CNTNAP1: variants seen among roughly 807,000 people sequenced by gnomAD.
CNTNAP1 encodes the protein contactin associated protein 1, also known as contactin-associated protein 1.
Under a neutral mutation model 161.5 loss-of-function variants are expected in CNTNAP1, and 80 were observed. The observed-to-expected ratio is 0.50, with a 90% CI of 0.41 to 0.60. CNTNAP1 has a LOEUF of 0.60. Among genes scored for constraint, CNTNAP1 ranks in the 20% least tolerant of loss-of-function variants. The pLI is 0.00. For missense variants in CNTNAP1, 1,464 were observed against 1,854.8 expected (o/e 0.79, Z 3.87); for synonymous variants, 695 against 733.1 (o/e 0.95, Z 0.84).
intron 1 of CNTNAP1, chr17:42,683,187 G>A (rs1038681172): frequency 8.7e-6 from 5 of 575,368 alleles, no homozygotes; most frequent in Non-Finnish European, 1.5e-5. Context: ...TAGGGCTGGG[G>A]GATAAGTGTA....
In CNTNAP1 at chr17:42,682,608, A is replaced by C. The variant is rs774414100; in HGVS notation, c.-222A>C. On this transcript the variant is annotated 5_prime_UTR_variant, in exon 1 of 24. Transcript: ENST00000264638. ...AAAGAGGGTGGAAAGGAGAGGATAG[A>C]GAGAGAAGAGCGGAGGACCAGGAAC... The C allele has an allele frequency of 2.0e-5, 12 of 586,612 alleles. No homozygotes were observed. The highest frequency in any genetic ancestry group is 3.3e-5 in the Non-Finnish European group (11 of 329,388). 36.3% of individuals were successfully genotyped at this position (586,612 alleles called of 1,614,324 possible). A position where few individuals can be genotyped will look rare whatever the true frequency, so the allele number is the denominator to read the frequency against.
chr17:42,695,858 G>A lies in CNTNAP1; in HGVS notation c.3330G>A (p.Val1110=). ...CCTTTGTTCGTGACTACATGGCTGTGCTCATCAAGGATGATGGTAAGCTCT... is the reference window on the plus strand; with the variant it reads ...CCTTTGTTCGTGACTACATGGCTGTACTCATCAAGGATGATGGTAAGCTCT... ...VSSFVRDYMA[V]LIKDDGTLQL... The change falls in exon 19 of 24, where the codon GTG becomes GTA. Residue 1110 remains valine (V), a synonymous_variant. Transcript: ENST00000264638. 6.2e-7 allele frequency: 1 copy of A among 1,613,204 alleles called. No individual in the cohort carries two copies. The highest frequency in any genetic ancestry group is 8.5e-7 in the Non-Finnish European group (1 of 1,179,302).
In CNTNAP1 at chr17:42,688,908, C is replaced by T. The variant is rs970939396; in HGVS notation, c.1489C>T (p.His497Tyr). The change falls in exon 10 of 24, where the codon CAC (histidine) becomes TAC (tyrosine). Residue 497 changes from histidine to tyrosine, a missense_variant. Physicochemically the swap from His to Tyr is moderately conservative, Grantham distance 83. Around this residue, in one of 3 missense-constraint regions of CNTNAP1, gnomAD observed 1,383 missense variants for 1,765.0 expected, o/e 0.78. Coordinates refer to ENST00000264638, the MANE Select transcript of CNTNAP1 (RefSeq NM_003632.3). ...CAAGCCAGCCAGTCGATGGGACTGC[C>T]ACTCCAACCAGACGGCATTCCATGG... is the stretch of plus-strand genomic sequence containing the variant. The part of the protein sequence containing the change: ...CPKPASRWDC[H>Y]SNQTAFHGCM... The T allele has an allele frequency of 2.5e-6, 4 of 1,614,124 alleles. No homozygotes were observed. Among genetic ancestry groups the T allele is most frequent in the East Asian group, 4.5e-5 (2 of 44,878 alleles).
At chr17:42,693,249 G>A (rs190642465) in intron 17 of CNTNAP1, 48 bp from the exon 18 acceptor site, 47 of 1,606,348 alleles carry the variant, frequency 2.9e-5, no homozygotes, top group African/African-American at 6.7e-5. Flanking sequence ...GTGAGCCACC[G>A]CGCCTGGCCC....
At chr17:42,697,000 C>G (rs758103883) in intron 20 of CNTNAP1, among the ~76,000 whole-genome samples, 1 of 151,730 alleles carries the variant, frequency 6.6e-6, no homozygotes, top group Non-Finnish European at 1.5e-5. Context: ...ATAGCAAGAC[C>G]TCATCTTCAC....
chr17:42,690,580 T>C (rs2053072186), intron 12 of CNTNAP1, among the ~76,000 whole-genome samples, 159 bp from the exon 13 acceptor site: 2 of 151,744 alleles, frequency 1.3e-5, no homozygotes, highest in Non-Finnish European at 1.5e-5. Flanking sequence ...AGCTATCTTA[T>C]TTCCAGCCTA....
chr17:42,687,043 C>G lies in CNTNAP1; in HGVS notation c.1041C>G (p.Phe347Leu). The G allele has an allele frequency of 6.2e-7, 1 of 1,611,936 alleles. No individual in the cohort carries two copies. Among genetic ancestry groups the G allele is most frequent in the Non-Finnish European group, 8.5e-7 (1 of 1,178,278 alleles). Residue 347 changes from phenylalanine (F) to leucine (L), a missense_variant, in exon 7 of 24, where the codon TTC (phenylalanine) becomes TTG (leucine). By Grantham distance (22) the Phe-to-Leu change is conservative. Transcript: ENST00000264638. The surrounding 1 kb of genome is among the most constrained non-coding windows in gnomAD (Gnocchi z 4.7). ...LAVRRHSRIT[F>L]EGKVAFRCLD... ...TGCGGCGCCATTCCCGGATCACCTT[C>G]GAGGCCAGTGGGCAGGGGGGTCTGG...
Position 42,687,962 on chromosome 17 carries a change from G to A in CNTNAP1, c.1287G>A (p.Lys429=). The part of the protein sequence containing the change: ...VNVSIAQSGR[K]KLQFAAGYRL... ...TGTCCATCGCGCAGAGCGGCCGAAA[G>A]AAGCTTCAGTTCGCTGCTGGTGAGG... The change falls in exon 8 of 24, where the codon AAG becomes AAA. Residue 429 remains lysine (K), a synonymous_variant. Transcript: ENST00000264638. The surrounding 1 kb of genome is among the most constrained non-coding windows in gnomAD (Gnocchi z 4.7). The A allele has an allele frequency of 6.2e-7, 1 of 1,613,428 alleles. No individual in the cohort carries two copies. The highest frequency in any genetic ancestry group is 1.1e-5 in the South Asian group (1 of 91,060).
Position 42,698,068 on chromosome 17 carries a change from C to T in CNTNAP1, c.3862+118C>T, listed in dbSNP as rs1415851365. 8 of 1,135,898 alleles carry T rather than the reference C, an allele frequency of 7.0e-6. No individual in the cohort carries two copies. In the Admixed American group the frequency reaches 1.2e-4, roughly 17 times the overall value. The allele number at this position is 1,135,898 out of a possible 1,614,324, so 70.4% of individuals were successfully genotyped here. ...GGCAAAGGCACTAGATGCACAATGG[C>T]ACAAAGGATGATGAGACAGGCTATG... On this transcript the variant is annotated intron_variant, in intron 23 of 23. Coordinates refer to ENST00000264638, the MANE Select transcript of CNTNAP1 (RefSeq NM_003632.3).
Position 42,687,372 on chromosome 17 carries a change from G to A in CNTNAP1, c.1044+326G>A, listed in dbSNP as rs2143654507. On this transcript the variant is annotated intron_variant, in intron 7 of 23. Transcript: ENST00000264638. The surrounding 1 kb of genome is among the most constrained non-coding windows in gnomAD (Gnocchi z 4.7). Reference sequence around the variant, plus strand: ...CTTGAACCGATGGCTTCTCTGATATGCCCCCCTCAACCCTCTCCGACTCTG... The same window carrying A: ...CTTGAACCGATGGCTTCTCTGATATACCCCCCTCAACCCTCTCCGACTCTG... The A allele has an allele frequency of 2.0e-6, 1 of 498,588 alleles. No individual in the cohort carries two copies. Among genetic ancestry groups the A allele is most frequent in the East Asian group, 3.4e-5 (1 of 29,100 alleles). 30.9% of individuals were successfully genotyped at this position (498,588 alleles called of 1,614,324 possible). A position where few individuals can be genotyped will look rare whatever the true frequency, so the allele number is the denominator to read the frequency against.
At position 42,692,530 on chromosome 17, in the gene CNTNAP1, G is replaced by A. The variant is rs142799551; in HGVS notation, c.2562G>A (p.Val854=). The A allele has an allele frequency of 1.2e-5, 19 of 1,614,030 alleles. No individual in the cohort carries two copies. Among genetic ancestry groups the A allele is most frequent in the Middle Eastern group, 1.6e-4 (1 of 6,084 alleles). The change falls in exon 17 of 24, where the codon GTG becomes GTA. Residue 854 remains valine (V), a synonymous_variant. Coordinates refer to ENST00000264638, the MANE Select transcript of CNTNAP1 (RefSeq NM_003632.3). The stretch of plus-strand genomic sequence containing the variant: ...GGGATGTGGTCTTCGCCTTTGATGT[G>A]GGGAATGGGGATGAGAACCTCACAG... ...TSRDVVFAFD[V]GNGDENLTVH... is the part of the protein sequence containing the mutation.
In CNTNAP1 at chr17:42,685,093, C is replaced by A; in HGVS notation, c.466C>A (p.Arg156Ser). The A allele has an allele frequency of 6.3e-7, 1 of 1,578,550 alleles. No individual in the cohort carries two copies. Among genetic ancestry groups the A allele is most frequent in the South Asian group, 1.2e-5 (1 of 85,296 alleles). ...IRIVPLAWNP[R>S]GKIGLRLGLY... ...CATCGTGCCCCTGGCCTGGAACCCA[C>A]GCGGCAAGATCGGCCTGAGGCTCGG... is the stretch of plus-strand genomic sequence containing the variant. The change falls in exon 4 of 24, where the codon CGC (arginine) becomes AGC (serine). Residue 156 changes from arginine (R) to serine (S), a missense_variant. Physicochemically the swap from Arg to Ser is moderately radical, Grantham distance 110. Transcript: ENST00000264638. This position sits in a 1 kb window ranked among gnomAD's most constrained non-coding sequence, Gnocchi z 5.0.
At position 42,690,808 on chromosome 17, in the gene CNTNAP1, A is replaced by G; in HGVS notation, c.1925A>G (p.Glu642Gly). The G allele has an allele frequency of 1.2e-6, 2 of 1,614,184 alleles. No individual in the cohort carries two copies. Among genetic ancestry groups the G allele is most frequent in the Non-Finnish European group, 1.7e-6 (2 of 1,180,034 alleles). Residue 642 changes from glutamate to glycine, a missense_variant, in exon 13 of 24, where the codon GAG (glutamate) becomes GGG (glycine). By Grantham distance (98) the Glu-to-Gly change is moderately conservative. This residue lies in a region of CNTNAP1 where 1,383 missense variants were observed against 1,765.0 expected (regional missense o/e 0.78). Coordinates refer to ENST00000264638, the MANE Select transcript of CNTNAP1 (RefSeq NM_003632.3). The part of the protein sequence containing the change: ...WTTRVTGSSM[E>G]RPFLGAIQYW... ...ACTCGAGTGACAGGTTCCAGCATGG[A>G]GCGGCCATTCCTGGGGGCTATCCAG...
In CNTNAP1 at chr17:42,687,021, G is replaced by C. The variant is rs1399812566; in HGVS notation, c.1019G>C (p.Arg340Pro). Residue 340 changes from arginine (R) to proline (P), a missense_variant, in exon 7 of 24, where the codon CGG (arginine) becomes CCG (proline). Arg to Pro is a moderately radical substitution (Grantham distance 103). This residue lies in a region of CNTNAP1 where 1,383 missense variants were observed against 1,765.0 expected (regional missense o/e 0.78). Transcript: ENST00000264638. This position sits in a 1 kb window ranked among gnomAD's most constrained non-coding sequence, Gnocchi z 4.7. ...NRVNIADLAV[R>P]RHSRITFEGK... ...GTCAACATCGCAGACCTGGCCGTGC[G>C]GCGCCATTCCCGGATCACCTTCGAG... is the stretch of plus-strand genomic sequence containing the variant. 6.2e-7 allele frequency: 1 copy of C among 1,613,584 alleles called. No homozygotes were observed. Among genetic ancestry groups the C allele is most frequent in the Non-Finnish European group, 8.5e-7 (1 of 1,179,618 alleles).
intron 9 of CNTNAP1, 37 bp downstream of exon 9, chr17:42,688,648 G>T (rs771414845): frequency 4.3e-6 from 7 of 1,613,426 alleles, no homozygotes; most frequent in African/African-American, 4.0e-5. Flanking sequence ...CTCTGTTTCT[G>T]GGTGGGAAGG....
In CNTNAP1 at chr17:42,697,611, G is replaced by T. The variant is rs1437273463; in HGVS notation, c.3626G>T (p.Cys1209Phe). 6.2e-7 allele frequency: 1 copy of T among 1,614,174 alleles called. No individual in the cohort carries two copies. The highest frequency in any genetic ancestry group is 8.5e-7 in the Non-Finnish European group (1 of 1,180,030). Residue 1209 changes from cysteine (C) to phenylalanine (F), a missense_variant, in exon 22 of 24, where the codon TGC (cysteine) becomes TTC (phenylalanine). This residue lies in a region of CNTNAP1 where 1,383 missense variants were observed against 1,765.0 expected (regional missense o/e 0.78). Transcript: ENST00000264638. Reference protein sequence around the residue: ...QRYNTPGFSGCLSGVRFNNVA... With the variant: ...QRYNTPGFSGFLSGVRFNNVA... The stretch of plus-strand genomic sequence containing the variant: ...TACAACACCCCAGGTTTCTCAGGCT[G>T]CCTGTCTGGTGTTCGATTCAACAAC...
chr17:42,686,266 T>A, intron 6 of CNTNAP1, 125 bp downstream of exon 6: 4 of 964,612 alleles, frequency 4.1e-6, no homozygotes, highest in Non-Finnish European at 6.3e-6. Flanking sequence ...AGGCTGTGGG[T>A]GGTGGCTCAT....
At position 42,692,566 on chromosome 17, in the gene CNTNAP1, C is replaced by G; in HGVS notation, c.2598C>G (p.Asp866Glu). 1 of 1,614,176 alleles carries G rather than the reference C, an allele frequency of 6.2e-7. No homozygotes were observed. The highest frequency in any genetic ancestry group is 8.5e-7 in the Non-Finnish European group (1 of 1,180,028). Residue 866 changes from aspartate to glutamate, a missense_variant, in exon 17 of 24, where the codon GAC becomes GAG. Asp to Glu is a conservative substitution (Grantham distance 45). This residue lies in a region of CNTNAP1 where 1,383 missense variants were observed against 1,765.0 expected (regional missense o/e 0.78). Transcript: ENST00000264638. ...ATGAGAACCTCACAGTACACTCAGA[C>G]GACTTTGAGTTCAATGATGACGAGT... ...NGDENLTVHS[D>E]DFEFNDDEWH...
Position 42,682,600 on chromosome 17 carries a change from G to A in CNTNAP1, c.-230G>A, listed in dbSNP as rs2052948546. On this transcript the variant is annotated 5_prime_UTR_variant, in exon 1 of 24. Transcript: ENST00000264638. ...GTGAGAGGAAAGAGGGTGGAAAGGA[G>A]AGGATAGAGAGAGAAGAGCGGAGGA... 4 of 570,022 alleles carry A rather than the reference G, an allele frequency of 7.0e-6. No homozygotes were observed. The highest frequency in any genetic ancestry group is 1.9e-5 in the African/African-American group (1 of 51,640). The allele number at this position is 570,022 out of a possible 1,614,324, so 35.3% of individuals were successfully genotyped here. A position where few individuals can be genotyped will look rare whatever the true frequency, so the allele number is the denominator to read the frequency against.
Sources: gnomAD v4.1 joint callset for allele counts (sites outside exome capture counted in the v4.1 genomes callset) on GRCh38, gnomAD v4.1.1 for gene constraint, gnomAD v4.1.1 regional missense constraint, Gnocchi (gnomAD v3.1) non-coding constraint, MANE v1.5 for transcripts, NCBI Gene and HGNC (gene_info 2026-07-23, HGNC 2026-07-21) for gene names.